The following MCL1 variants were observed in gnomAD, a reference collection of about 807,000 sequenced individuals.
The protein encoded by MCL1 is MCL1 apoptosis regulator, BCL2 family member, also known as induced myeloid leukemia cell differentiation protein Mcl-1.
A neutral mutation model predicts 24.2 loss-of-function variants in MCL1; 4 were observed. The observed-to-expected ratio is 0.17, with a 90% CI of 0.08 to 0.38. The LOEUF (loss-of-function observed/expected upper bound fraction) is 0.38. Ranked by LOEUF, MCL1 falls within the 10% of genes least tolerant of loss-of-function variation. MCL1 has a pLI of 1.00. For synonymous variants in MCL1, 248 were observed against 214.0 expected, an observed-to-expected ratio of 1.16 and a Z score of -1.39; for missense variants, 529 against 480.3, an observed-to-expected ratio of 1.10 and a Z score of -0.95.
At position 150,574,582 on chromosome 1, in the gene MCL1, T is replaced by C. The variant is rs935379041; in HGVS notation, c.*2793A>G. On this transcript the variant is annotated 3_prime_UTR_variant, in exon 3 of 3. Transcript: ENST00000369026. The stretch of plus-strand genomic sequence containing the variant: ...ATTTGAATAAAAGATTTATTTTTTT[T>C]TCTCAGGAAAAACAGAAAGTTAGGG... The C allele has an allele frequency of 1.3e-5, 3 of 229,634 alleles. No individual in the cohort carries two copies. Among genetic ancestry groups the C allele is most frequent in the African/African-American group, 4.4e-5 (2 of 45,120 alleles). 14.2% of individuals were successfully genotyped at this position (229,634 alleles called of 1,614,324 possible).
In MCL1 at chr1:150,575,936, TTGCAACAAGGTTTGGGAATCATTAA is replaced by T; in HGVS notation, c.*1414_*1438del. 4.3e-6 allele frequency: 1 copy of T among 233,658 alleles called. No homozygotes were observed. Among genetic ancestry groups the T allele is most frequent in the Non-Finnish European group, 8.5e-6 (1 of 118,052 alleles). The allele number at this position is 233,658 out of a possible 1,614,324, so 14.5% of individuals were successfully genotyped here. ...AATCCAAAGATGCCAATGCAAAAAC[TTGCAACAAGGTTTGGGAATCATTAA>T]TAGAAACAAAACAGTAAGTATTTGC... On this transcript the variant is annotated 3_prime_UTR_variant, in exon 3 of 3. Coordinates refer to ENST00000369026, the MANE Select transcript of MCL1 (RefSeq NM_021960.5).
intron 2 of MCL1, 52 bp from the exon 3 acceptor site, chr1:150,577,543 TAC>T (rs1491302451): frequency 4.6e-5 from 72 of 1,558,186 alleles, no homozygotes; most frequent in Middle Eastern, 1.7e-4. Context: ...TCTGCTCTCT[TAC>T]AACACTACTA....
At position 150,579,539 on chromosome 1, in the gene MCL1, G is replaced by C. The variant is rs2101701139; in HGVS notation, c.-9C>G. On this transcript the variant is annotated 5_prime_UTR_variant, in exon 1 of 3. Transcript: ENST00000369026. ...CTTTTGAGGCCAAACATTGCCAGTC[G>C]CCGCCGCCGCCTGGCTGAGAAAACT... The C allele has an allele frequency of 1.3e-6, 2 of 1,585,298 alleles. No homozygotes were observed. The highest frequency in any genetic ancestry group is 8.6e-7 in the Non-Finnish European group (1 of 1,166,080).
intron 1 of MCL1, 112 bp downstream of exon 1, chr1:150,578,731 A>AGACACGTTTCAACACT: frequency 8.4e-7 from 1 of 1,191,972 alleles, no homozygotes; most frequent in South Asian, 1.5e-5. Context: ...GAATAGGATG[A>AGACACGTTTCAACACT]GACACGTTTC....
In MCL1 at chr1:150,577,288, A is replaced by G. The variant is rs1418825609; in HGVS notation, c.*87T>C. 1 of 1,540,308 alleles carries G rather than the reference A, an allele frequency of 6.5e-7. No homozygotes were observed. Among genetic ancestry groups the G allele is most frequent in the Non-Finnish European group, 8.8e-7 (1 of 1,141,224 alleles). On this transcript the variant is annotated 3_prime_UTR_variant, in exon 3 of 3. Transcript: ENST00000369026. Reference sequence around the variant, plus strand: ...TAGGTTGCTAGGGTGCAACTCTAGGAAGTTACAGCTTGGAGTCCAACTGCA... The same window carrying G: ...TAGGTTGCTAGGGTGCAACTCTAGGGAGTTACAGCTTGGAGTCCAACTGCA...
Position 150,579,121 on chromosome 1 carries a change from C to A in MCL1, c.410G>T (p.Arg137Leu), listed in dbSNP as rs1330727574. ...DGYEPEPLGK[R>L]PAVLPLLELV... ...CTCCAGCAGCGGCAGGACAGCCGGC[C>A]GCTTCCCGAGAGGCTCCGGCTCGTA... The change falls in exon 1 of 3, where the codon CGG (arginine) becomes CTG (leucine). Residue 137 changes from arginine (R) to leucine (L), a missense_variant. Physicochemically the swap from Arg to Leu is moderately radical, Grantham distance 102. Transcript: ENST00000369026. The A allele has an allele frequency of 1.9e-6, 3 of 1,612,824 alleles. No homozygotes were observed. The highest frequency in any genetic ancestry group is 2.5e-6 in the Non-Finnish European group (3 of 1,180,016).
intron 2 of MCL1, 109 bp downstream of exon 2, chr1:150,578,135 T>G: frequency 1.6e-6 from 2 of 1,234,796 alleles, no homozygotes; most frequent in African/African-American, 3.0e-5. Context: ...AGTTAGAGCC[T>G]GCAAACAGCC....
intron 1 of MCL1, 160 bp from the exon 2 acceptor site, chr1:150,578,651 G>C (rs1197695868): frequency 8.6e-6 from 9 of 1,046,312 alleles, no homozygotes; most frequent in Admixed American, 2.7e-5. Context: ...CTTTGAACAA[G>C]AGCTGCCATT....
At position 150,577,238 on chromosome 1, in the gene MCL1, T is replaced by A. The variant is rs1647845221; in HGVS notation, c.*137A>T. On this transcript the variant is annotated 3_prime_UTR_variant, in exon 3 of 3. Coordinates refer to ENST00000369026, the MANE Select transcript of MCL1 (RefSeq NM_021960.5). The stretch of plus-strand genomic sequence containing the variant: ...ATGTATTTATTCTTGTTAGCCATAA[T>A]CCTCTTGCCACTTGCTTTTCTGGCT... 9.3e-7 allele frequency: 1 copy of A among 1,075,946 alleles called. No homozygotes were observed. Among genetic ancestry groups the A allele is most frequent in the Non-Finnish European group, 1.3e-6 (1 of 747,100 alleles). 66.6% of individuals were successfully genotyped at this position (1,075,946 alleles called of 1,614,324 possible). A position where few individuals can be genotyped will look rare whatever the true frequency, so the allele number is the denominator to read the frequency against.
At position 150,575,366 on chromosome 1, in the gene MCL1, A is replaced by AT. The variant is rs1647751722; in HGVS notation, c.*2008dup. The AT allele has an allele frequency of 4.3e-6, 1 of 233,174 alleles. No individual in the cohort carries two copies. Among genetic ancestry groups the AT allele is most frequent in the Admixed American group, 5.6e-5 (1 of 17,778 alleles). 14.4% of individuals were successfully genotyped at this position (233,174 alleles called of 1,614,324 possible). On this transcript the variant is annotated 3_prime_UTR_variant, in exon 3 of 3. Transcript: ENST00000369026. ...CATGTTCCGAGACTGAAGCTTTCAA[A>AT]TGACCCTAGTTCCAATATAGACACT...
intron 2 of MCL1, 125 bp from the exon 3 acceptor site, chr1:150,577,616 T>A: frequency 9.7e-7 from 1 of 1,030,000 alleles, no homozygotes; most frequent in South Asian, 1.9e-5. Flanking sequence ...GTAAACCAAT[T>A]ATTATTCACC....
intron 2 of MCL1, among the ~76,000 whole-genome samples, 154 bp from the exon 3 acceptor site, chr1:150,577,645 A>G (rs72700835): frequency 1.1e-4 from 17 of 152,286 alleles, no homozygotes; most frequent in African/African-American, 3.4e-4. Context: ...AAAAAAGAAA[A>G]TAAGTTCTTC....
rs756724089 is a variant in MCL1 at position 150,575,656 on chromosome 1, T to TA, written c.*1718dup. On this transcript the variant is annotated 3_prime_UTR_variant, in exon 3 of 3. Transcript: ENST00000369026. ...GTTAGTGTCACAGCACCCATGGTAT[T>TA]ACCACCTGCTAACAGGATCAAGTTC... is the stretch of plus-strand genomic sequence containing the variant. The TA allele has an allele frequency of 2.8e-4, 66 of 233,080 alleles. No individual in the cohort carries two copies. The highest frequency in any genetic ancestry group is 1.3e-4 in the Non-Finnish European group (15 of 117,966). The allele number at this position is 233,080 out of a possible 1,614,324, so 14.4% of individuals were successfully genotyped here. A position where few individuals can be genotyped will look rare whatever the true frequency, so the allele number is the denominator to read the frequency against.
Position 150,574,588 on chromosome 1 carries a change from G to A in MCL1, c.*2787C>T. 4.3e-6 allele frequency: 1 copy of A among 230,084 alleles called. No homozygotes were observed. Among genetic ancestry groups the A allele is most frequent in the Non-Finnish European group, 8.6e-6 (1 of 116,062 alleles). The allele number at this position is 230,084 out of a possible 1,614,324, so 14.3% of individuals were successfully genotyped here. On this transcript the variant is annotated 3_prime_UTR_variant, in exon 3 of 3. Coordinates refer to ENST00000369026, the MANE Select transcript of MCL1 (RefSeq NM_021960.5). ...ATAAAAGATTTATTTTTTTTTCTCA[G>A]GAAAAACAGAAAGTTAGGGAAACAC...
chr1:150,576,261 CA>C lies in MCL1; in HGVS notation c.*1113del, dbSNP rs1336083483. On this transcript the variant is annotated 3_prime_UTR_variant, in exon 3 of 3. Transcript: ENST00000369026. ...TAAATTAGGTCAAATGGAAGGAACT[CA>C]AATGAGTATTGCCCAATCAGAGCCC... 4.3e-6 allele frequency: 1 copy of C among 232,948 alleles called. No individual in the cohort carries two copies. The highest frequency in any genetic ancestry group is 2.2e-5 in the African/African-American group (1 of 45,296). 14.4% of individuals were successfully genotyped at this position (232,948 alleles called of 1,614,324 possible).
In MCL1 at chr1:150,579,568, G is replaced by T. The variant is rs898545874; in HGVS notation, c.-38C>A. On this transcript the variant is annotated 5_prime_UTR_variant, in exon 1 of 3. Transcript: ENST00000369026. ...CCGCCGCCTGGCTGAGAAAACTGGG[G>T]AAGACCCCGACTCCTTACTGGAAGG... 1.3e-6 allele frequency: 2 copies of T among 1,566,760 alleles called. No homozygotes were observed. Among genetic ancestry groups the T allele is most frequent in the Admixed American group, 3.7e-5 (2 of 54,504 alleles).
chr1:150,578,138 A>C (rs1462685484), intron 2 of MCL1, 106 bp downstream of exon 2: 2 of 1,269,460 alleles, frequency 1.6e-6, no homozygotes, highest in South Asian at 1.4e-5. Flanking sequence ...TAGAGCCTGC[A>C]AACAGCCGTG....
rs1287952188 is a variant in MCL1 at position 150,576,402 on chromosome 1, A to G, written c.*973T>C. The G allele has an allele frequency of 1.1e-5, 1 of 88,876 alleles. No individual in the cohort carries two copies. The highest frequency in any genetic ancestry group is 2.0e-5 in the Non-Finnish European group (1 of 51,082). The allele number at this position is 88,876 out of a possible 1,614,324, so 5.5% of individuals were successfully genotyped here. A position where few individuals can be genotyped will look rare whatever the true frequency, so the allele number is the denominator to read the frequency against. ...ATCAACCTCTCAATCCCAGGTTTTC[A>G]AAGAAAAACCTAAGGAATACTTACC... On this transcript the variant is annotated 3_prime_UTR_variant, in exon 3 of 3. Coordinates refer to ENST00000369026, the MANE Select transcript of MCL1 (RefSeq NM_021960.5).
chr1:150,579,436 C>G lies in MCL1; in HGVS notation c.95G>C (p.Gly32Ala), dbSNP rs770152297. Reference sequence around the variant, plus strand: ...CTTCTCCGTAGCCAAAAGTCGCCCTCCCGGGCGGGTGGCGCCGCCGCTGCC... The same window carrying G: ...CTTCTCCGTAGCCAAAAGTCGCCCTGCCGGGCGGGTGGCGCCGCCGCTGCC... Reference protein sequence around the residue: ...GAGSGGATRPGGRLLATEKEA... With the variant: ...GAGSGGATRPAGRLLATEKEA... Residue 32 changes from glycine (G) to alanine (A), a missense_variant, in exon 1 of 3, where the codon GGA (glycine) becomes GCA (alanine). Gly to Ala is a moderately conservative substitution (Grantham distance 60). Coordinates refer to ENST00000369026, the MANE Select transcript of MCL1 (RefSeq NM_021960.5). 6.3e-6 allele frequency: 10 copies of G among 1,588,070 alleles called. No homozygotes were observed. The highest frequency in any genetic ancestry group is 8.5e-6 in the Non-Finnish European group (10 of 1,169,614).
Sources: allele counts gnomAD v4.1 joint callset (sites outside exome capture counted in the v4.1 genomes callset), GRCh38; gene constraint gnomAD v4.1.1; transcripts MANE v1.5; gene names NCBI Gene and HGNC (gene_info 2026-07-23, HGNC 2026-07-21).